Variants in EMC2 observed in about 807,000 individuals in gnomAD.
The protein encoded by EMC2 is TPR repeat protein 35.
In EMC2, 37 loss-of-function variants were observed where a neutral mutation model predicts 51.6. The observed-to-expected ratio is 0.72, with a 90% confidence interval of 0.55 to 0.94. The LOEUF (loss-of-function observed/expected upper bound fraction) is 0.94, where lower values mean the gene tolerates loss of function less well. Ranked by LOEUF, EMC2 falls within the 40% of genes least tolerant of loss-of-function variation. The probability of loss-of-function intolerance (pLI) is 0.00; values close to 1 mark genes in which losing one functional copy is unlikely to be tolerated. For missense variants in EMC2, 359 were observed against 350.9 expected, an observed-to-expected ratio of 1.02 and a Z score of -0.18; for synonymous variants, 131 against 112.4, an observed-to-expected ratio of 1.17 and a Z score of -1.04.
intron 4 of EMC2, among the ~76,000 whole-genome samples, chr8:108,454,273 T>G (rs917523622): frequency 6.6e-6 from 1 of 152,140 alleles, no homozygotes; most frequent in African/African-American, 2.4e-5. Flanking sequence ...TTGATTGCTC[T>G]TGTTATTTTT....
At chr8:108,449,986 CT>C (rs35895559) in intron 2 of EMC2, 50 bp downstream of exon 2, 91,532 of 459,682 alleles carry the variant, frequency 0.2, 13 homozygotes, top group East Asian at 0.27. Flanking sequence ...ATTCATGGGC[CT>C]TTTTTTTTTT....
At chr8:108,475,806 TA>T in intron 7 of EMC2, 75 bp from the exon 8 acceptor site, 1 of 778,754 alleles carries the variant, frequency 1.3e-6, no homozygotes, top group South Asian at 1.6e-5. Flanking sequence ...AAGTTGTTTT[TA>T]AATTATTTCA....
At chr8:108,456,437 A>G (rs867483930) in intron 5 of EMC2, among the ~76,000 whole-genome samples, 1 of 151,674 alleles carries the variant, frequency 6.6e-6, no homozygotes, top group African/African-American at 2.4e-5. Flanking sequence ...TTTGCATAAA[A>G]TATTTTGAAG....
chr8:108,446,014 C>G (rs1201403617), intron 1 of EMC2: 1 of 152,650 alleles, frequency 6.6e-6, no homozygotes, highest in Non-Finnish European at 1.5e-5. Flanking sequence ...TTCTCCCAAT[C>G]TCCTGACTTT....
At chr8:108,483,084 G>A (rs921020299) in intron 10 of EMC2, among the ~76,000 whole-genome samples, 1 of 152,014 alleles carries the variant, frequency 6.6e-6, no homozygotes, top group African/African-American at 2.4e-5. Context: ...TATTAGCTAT[G>A]CAAACTTGGA....
At chr8:108,474,906 T>A (rs1433537602) in intron 7 of EMC2, 1 of 151,824 alleles carries the variant, frequency 6.6e-6, no homozygotes, top group Non-Finnish European at 1.5e-5. Flanking sequence ...TGTAACACAT[T>A]TAGAACAATG....
At chr8:108,477,346 G>C (rs950829631) in intron 9 of EMC2, among the ~76,000 whole-genome samples, 2 of 151,954 alleles carry the variant, frequency 1.3e-5, no homozygotes, top group Non-Finnish European at 2.9e-5. Flanking sequence ...GAAATTGTGG[G>C]AAGTATGTAA....
intron 5 of EMC2, among the ~76,000 whole-genome samples, chr8:108,463,581 G>T (rs1306941500): frequency 6.6e-6 from 1 of 152,146 alleles, no homozygotes; most frequent in African/African-American, 2.4e-5. Context: ...TACTTCAGAA[G>T]ATCAGATTTT....
At chr8:108,467,700 C>T (rs1181410130) in intron 5 of EMC2, among the ~76,000 whole-genome samples, 1 of 152,140 alleles carries the variant, frequency 6.6e-6, no homozygotes, top group East Asian at 1.9e-4. Flanking sequence ...CACCACTGCT[C>T]CCAGGTGAAT....
chr8:108,482,572 T>C (rs1295018175), intron 10 of EMC2, among the ~76,000 whole-genome samples: 1 of 145,942 alleles, frequency 6.9e-6, no homozygotes, highest in Non-Finnish European at 1.5e-5. Context: ...AATTGATTTA[T>C]TTTTAATTTT....
At chr8:108,483,284 T>A (rs1009810914) in intron 10 of EMC2, among the ~76,000 whole-genome samples, 2 of 152,162 alleles carry the variant, frequency 1.3e-5, no homozygotes, top group Non-Finnish European at 2.9e-5. Context: ...ATATTTTAAG[T>A]ATACAGTCTG....
chr8:108,485,452 T>TACATATATATAATATATAGGTA (rs1563704633), intron 10 of EMC2, among the ~76,000 whole-genome samples: 1 of 143,928 alleles, frequency 6.9e-6, no homozygotes, highest in Non-Finnish European at 1.5e-5. Flanking sequence ...TTAATATATA[T>TACATATATATAATATATAGGTA]ACATATATAT....
chr8:108,476,352 A>G (rs1810945949), intron 8 of EMC2, among the ~76,000 whole-genome samples: 1 of 151,904 alleles, frequency 6.6e-6, no homozygotes, highest in Non-Finnish European at 1.5e-5. Context: ...TATTAAGAAT[A>G]GCAGTACAAC....
intron 5 of EMC2, among the ~76,000 whole-genome samples, chr8:108,458,465 C>A (rs1321571218): frequency 6.6e-6 from 1 of 152,180 alleles, no homozygotes; most frequent in Non-Finnish European, 1.5e-5. Context: ...TTTCCATATA[C>A]CCTCTGAAAT....
chr8:108,444,509 A>G (rs540395461), intron 1 of EMC2, among the ~76,000 whole-genome samples: 1 of 152,204 alleles, frequency 6.6e-6, no homozygotes, highest in East Asian at 1.9e-4. Flanking sequence ...TGGAATTCAT[A>G]TTCCCAGCAT....
At chr8:108,460,937 G>T (rs1819304510) in intron 5 of EMC2, among the ~76,000 whole-genome samples, 1 of 152,112 alleles carries the variant, frequency 6.6e-6, no homozygotes, top group South Asian at 2.1e-4. Context: ...TCAAAGAGTT[G>T]CTCTTAGTAA....
chr8:108,464,993 A>AG (rs1005337883), intron 5 of EMC2, among the ~76,000 whole-genome samples: 1 of 152,132 alleles, frequency 6.6e-6, no homozygotes, highest in Non-Finnish European at 1.5e-5. Context: ...GGAGTGAGGC[A>AG]GGGGGGAGGT....
chr8:108,485,974 T>A (rs1241840437), intron 10 of EMC2, among the ~76,000 whole-genome samples: 1 of 151,830 alleles, frequency 6.6e-6, no homozygotes, highest in Non-Finnish European at 1.5e-5. Flanking sequence ...CAGAACCATA[T>A]CATTTAGTTA....
At chr8:108,469,785 G>A (rs1479522696) in intron 5 of EMC2, 41 bp from the exon 6 acceptor site, 1 of 1,514,526 alleles carries the variant, frequency 6.6e-7, no homozygotes, top group Non-Finnish European at 9.1e-7. Context: ...AAACCCCAAG[G>A]AATCATAAGG....
Sources: allele counts gnomAD v4.1 joint callset (sites outside exome capture counted in the v4.1 genomes callset), GRCh38; gene constraint gnomAD v4.1.1; transcripts MANE v1.5; gene names NCBI Gene and HGNC (gene_info 2026-07-23, HGNC 2026-07-21).